Variants in FOXP2 observed in about 807,000 individuals in gnomAD.
FOXP2 encodes forkhead box P2, also known as forkhead box protein P2.
A neutral mutation model predicts 115.8 loss-of-function variants in FOXP2; 12 were observed. That is an observed-to-expected ratio of 0.10 (90% CI 0.07 to 0.17). FOXP2 has a LOEUF of 0.17. FOXP2 is among the 10% of genes least tolerant of loss of function. The pLI is 1.00. For missense variants in FOXP2, 629 were observed against 843.5 expected, an observed-to-expected ratio of 0.75 and a Z score of 3.15; for synonymous variants, 328 against 297.7, an observed-to-expected ratio of 1.10 and a Z score of -1.05.
chr7:114,565,492 T>C (rs2129293308), intron 3 of FOXP2, among the ~76,000 whole-genome samples: 1 of 152,262 alleles, frequency 6.6e-6, no homozygotes, highest in East Asian at 1.9e-4. Context: ...CCCTGGACGC[T>C]ATACCAGATC....
At chr7:114,201,779 TTCTGTATTTAAGC>T (rs1423993218) in intron 1 of FOXP2, among the ~76,000 whole-genome samples, 1 of 152,216 alleles carries the variant, frequency 6.6e-6, no homozygotes, top group Non-Finnish European at 1.5e-5. Context: ...ACTAAAATTT[TTCTGTATTTAAGC>T]AATGACTGAA....
intron 2 of FOXP2, among the ~76,000 whole-genome samples, chr7:114,316,615 A>T (rs1027685876): frequency 1.3e-5 from 2 of 152,146 alleles, no homozygotes; most frequent in African/African-American, 2.4e-5. Context: ...TATAGTAGGG[A>T]CCTGAAGGAG....
chr7:114,231,961 A>G (rs1794887203), intron 1 of FOXP2, among the ~76,000 whole-genome samples: 1 of 152,188 alleles, frequency 6.6e-6, no homozygotes, highest in African/African-American at 2.4e-5. Context: ...TAAACCATTT[A>G]TATGATAAGG....
rs886061936 is a variant in FOXP2, at chr7:114,693,534, A to G, written c.*3608A>G. On this transcript the variant is annotated 3_prime_UTR_variant, in exon 17 of 17. Transcript: ENST00000350908. ...TAAGTCTATAAAGCTATTGAAAGGA[A>G]CATGGCTTACCCTTGTTATTTCACT... 3 of 453,180 alleles carry G rather than the reference A, an allele frequency of 6.6e-6. No homozygotes were observed. The highest frequency in any genetic ancestry group is 4.7e-5 in the Admixed American group (2 of 42,466). The allele number at this position is 453,180 out of a possible 1,614,324, so 28.1% of individuals were successfully genotyped here.
chr7:114,619,115 C>T (rs569455731), intron 3 of FOXP2, among the ~76,000 whole-genome samples: 2 of 152,252 alleles, frequency 1.3e-5, no homozygotes, highest in East Asian at 1.9e-4. Context: ...AACACTGCAA[C>T]CAAGCTTTTT....
At chr7:114,658,295 T>G in intron 11 of FOXP2, 28 bp downstream of exon 11, 1 of 1,609,752 alleles carries the variant, frequency 6.2e-7, no homozygotes, top group Non-Finnish European at 8.5e-7. Flanking sequence ...AGTAGAGCAC[T>G]TTTACTTTGG....
At chr7:114,498,985 A>G in intron 2 of FOXP2, 1 of 716,208 alleles carries the variant, frequency 1.4e-6, no homozygotes. Context: ...GTCCTGGACC[A>G]GCAGCAACAG....
chr7:114,233,710 T>C (rs1051056136), intron 1 of FOXP2, among the ~76,000 whole-genome samples: 2 of 152,178 alleles, frequency 1.3e-5, no homozygotes, highest in Non-Finnish European at 2.9e-5. Flanking sequence ...TGTAGTAATA[T>C]GATGAATAAA....
chr7:114,474,455 A>G (rs530409344), intron 2 of FOXP2, among the ~76,000 whole-genome samples: 49 of 152,314 alleles, frequency 3.2e-4, no homozygotes, highest in African/African-American at 1.1e-3. Context: ...CTGTATGTGT[A>G]GCATAACAAA....
intron 3 of FOXP2, among the ~76,000 whole-genome samples, chr7:114,581,324 C>G (rs1801859373): frequency 6.6e-6 from 1 of 151,950 alleles, no homozygotes. Flanking sequence ...GTTGGCACCA[C>G]AGGCACAAGC....
chr7:114,475,154 A>T (rs1796203206), intron 2 of FOXP2, among the ~76,000 whole-genome samples: 1 of 152,088 alleles, frequency 6.6e-6, no homozygotes. Flanking sequence ...GCTACATGAC[A>T]TTTATTTTCA....
At chr7:114,625,166 G>T (rs1463600858) in intron 3 of FOXP2, among the ~76,000 whole-genome samples, 1 of 151,418 alleles carries the variant, frequency 6.6e-6, no homozygotes, top group African/African-American at 2.4e-5. Flanking sequence ...TACCAAGAGA[G>T]AAAAAAATCT....
At chr7:114,600,706 G>C (rs756069420) in intron 3 of FOXP2, among the ~76,000 whole-genome samples, 34 of 152,310 alleles carry the variant, frequency 2.2e-4, no homozygotes, top group South Asian at 6.2e-4. Flanking sequence ...TAATAGGTGT[G>C]AAGTGCTAGC....
chr7:114,472,400 C>T (rs984822956), intron 2 of FOXP2, among the ~76,000 whole-genome samples: 2 of 149,346 alleles, frequency 1.3e-5, no homozygotes, highest in Non-Finnish European at 3.0e-5. Context: ...GGCTGGAGTG[C>T]AGTGGCACGA....
chr7:114,274,083 C>CT (rs1157277855), intron 1 of FOXP2, among the ~76,000 whole-genome samples: 3 of 150,610 alleles, frequency 2.0e-5, no homozygotes, highest in Middle Eastern at 3.4e-3. Context: ...CATGTCAGTT[C>CT]TTTTTTTTTC....
chr7:114,532,943 A>C lies in FOXP2; in HGVS notation c.169-1674A>C, dbSNP rs150427250. Among the ~76,000 whole-genome samples, 213 of 152,128 alleles carry C rather than the reference A, an allele frequency of 1.4e-3. 1 individual carries two copies. The highest frequency in any genetic ancestry group is 4.7e-3 in the African/African-American group (197 of 41,544). On this transcript the variant is annotated intron_variant, in intron 2 of 16. Coordinates refer to ENST00000350908, the MANE Select transcript of FOXP2 (RefSeq NM_014491.4). ...AAAAGAGGAAAGATATATTATTTAG[A>C]ATATTGAATAAAAAGTTTCAAATAG...
At chr7:114,360,279 AT>A (rs1342946094) in intron 2 of FOXP2, among the ~76,000 whole-genome samples, 1 of 152,176 alleles carries the variant, frequency 6.6e-6, no homozygotes, top group African/African-American at 2.4e-5. Context: ...CTATGAGTCC[AT>A]TAAACCTCTT....
At chr7:114,253,775 G>A (rs1451975820) in intron 1 of FOXP2, among the ~76,000 whole-genome samples, 1 of 152,194 alleles carries the variant, frequency 6.6e-6, no homozygotes, top group Non-Finnish European at 1.5e-5. Context: ...TTTAATTGGA[G>A]CATGTAGTGC....
intron 1 of FOXP2, among the ~76,000 whole-genome samples, chr7:114,182,291 G>T (rs1022309133): frequency 6.6e-6 from 1 of 151,560 alleles, no homozygotes; most frequent in African/African-American, 2.4e-5. Context: ...TAATATACAC[G>T]AAAAATGGAA....
Sources: gnomAD v4.1 joint callset for allele counts (sites outside exome capture counted in the v4.1 genomes callset) on GRCh38, gnomAD v4.1.1 for gene constraint, MANE v1.5 for transcripts, NCBI Gene and HGNC (gene_info 2026-07-23, HGNC 2026-07-21) for gene names.